The following LAMB4 variants were observed in gnomAD, a reference collection of about 807,000 sequenced individuals.
LAMB4 encodes the protein laminin subunit beta 4, also known as laminin subunit beta-4.
Under a neutral mutation model 199.2 loss-of-function variants are expected in LAMB4, and 196 were observed. The observed-to-expected ratio is 0.98, with a 90% CI of 0.88 to 1.11. The LOEUF (loss-of-function observed/expected upper bound fraction) is 1.11, where lower values mean the gene tolerates loss of function less well. Among genes scored for constraint, LAMB4 ranks in the 50% least tolerant of loss-of-function variants. LAMB4 has a pLI of 0.00. For missense variants in LAMB4, 2,080 were observed against 2,171.2 expected (o/e 0.96, Z 0.83); for synonymous variants, 744 against 770.6 (o/e 0.97, Z 0.57).
At chr7:108,086,657 A>G (rs546513382) in intron 14 of LAMB4, among the ~76,000 whole-genome samples, 93 of 152,280 alleles carry the variant, frequency 6.1e-4, no homozygotes, top group African/African-American at 2.2e-3. Flanking sequence ...GAAAAATCTG[A>G]GTTGGGCTTT....
intron 14 of LAMB4, among the ~76,000 whole-genome samples, chr7:108,090,443 A>G (rs2037353821): frequency 6.6e-6 from 1 of 151,992 alleles, no homozygotes. Context: ...TGTCCTGGAT[A>G]TTTTTCCTTA....
intron 5 of LAMB4, among the ~76,000 whole-genome samples, chr7:108,108,549 T>C (rs908139108): frequency 6.6e-5 from 10 of 152,208 alleles, no homozygotes; most frequent in African/African-American, 2.2e-4. Flanking sequence ...TTTAAATCAA[T>C]CATCCCGCTA....
Position 108,034,366 on chromosome 7 carries a change from T to C in LAMB4, c.4680-20A>G, listed in dbSNP as rs28621880. Reference sequence around the variant, plus strand: ...GCTTTCCTAAGGTAAGATATTAACATATCAGATTAGATAAATACACAATTA... The same window carrying C: ...GCTTTCCTAAGGTAAGATATTAACACATCAGATTAGATAAATACACAATTA... On this transcript the variant is annotated intron_variant, in intron 30 of 33. Transcript: ENST00000388781. 1.9e-6 allele frequency: 3 copies of C among 1,557,684 alleles called. No homozygotes were observed. Among genetic ancestry groups the C allele is most frequent in the Middle Eastern group, 1.7e-4 (1 of 5,946 alleles).
At chr7:108,116,231 G>T in intron 2 of LAMB4, 70 bp from the exon 3 acceptor site, 1 of 1,389,896 alleles carries the variant, frequency 7.2e-7, no homozygotes, top group South Asian at 1.4e-5. Context: ...AGAAATGACT[G>T]GTTAAGGGGG....
intron 9 of LAMB4, among the ~76,000 whole-genome samples, chr7:108,103,852 T>C (rs2037903954): frequency 6.6e-6 from 1 of 152,222 alleles, no homozygotes; most frequent in Non-Finnish European, 1.5e-5. Context: ...CGGTCTTGTA[T>C]ACTGTGACTC....
Position 108,037,687 on chromosome 7 carries a change from C to T in LAMB4, c.4472-92G>A. 5.6e-6 allele frequency: 5 copies of T among 892,948 alleles called. No homozygotes were observed. In the South Asian group the frequency reaches 6.0e-5, roughly 11 times the overall value. 55.3% of individuals were successfully genotyped at this position (892,948 alleles called of 1,614,324 possible). A position where few individuals can be genotyped will look rare whatever the true frequency, so the allele number is the denominator to read the frequency against. ...ACCACAATGATGTCTCAGCCAAATG[C>T]ACTTGCACTTGATTATGTGCCCCTA... On this transcript the variant is annotated intron_variant, in intron 29 of 33. Transcript: ENST00000388781.
At chr7:108,106,176 G>C (rs1166530444) in intron 7 of LAMB4, 145 bp from the exon 8 acceptor site, 1 of 689,328 alleles carries the variant, frequency 1.5e-6, no homozygotes, top group African/African-American at 1.8e-5. Flanking sequence ...CCAGCACTTT[G>C]GGTGGCCGAG....
chr7:108,037,316 C>G (rs2035264220), intron 30 of LAMB4, 72 bp downstream of exon 30: 1 of 1,207,426 alleles, frequency 8.3e-7, no homozygotes, highest in African/African-American at 1.5e-5. Flanking sequence ...GATCCCTAGG[C>G]AAACATTTTC....
At chr7:108,127,559 C>G (rs955844886) in intron 1 of LAMB4, among the ~76,000 whole-genome samples, 2 of 152,174 alleles carry the variant, frequency 1.3e-5, no homozygotes, top group Non-Finnish European at 2.9e-5. Context: ...TCGGCAATCT[C>G]TCTCAGAACC....
intron 26 of LAMB4, among the ~76,000 whole-genome samples, chr7:108,049,948 AAATAT>A (rs2035775412): frequency 1.3e-5 from 2 of 152,244 alleles, no homozygotes; most frequent in South Asian, 4.1e-4. Flanking sequence ...ATATACACTC[AAATAT>A]AATAAACCAA....
chr7:108,041,665 G>A (rs930102897), intron 29 of LAMB4, among the ~76,000 whole-genome samples: 7 of 152,300 alleles, frequency 4.6e-5, no homozygotes, highest in African/African-American at 1.7e-4. Context: ...AATACCGCAT[G>A]TTCTCACTTA....
intron 14 of LAMB4, among the ~76,000 whole-genome samples, chr7:108,085,548 A>G (rs1038455215): frequency 3.3e-5 from 5 of 152,198 alleles, no homozygotes; most frequent in African/African-American, 1.2e-4. Context: ...AGTACTTTCA[A>G]TGGCCCTTTG....
chr7:108,086,156 G>A (rs1563078791), intron 14 of LAMB4, among the ~76,000 whole-genome samples: 1 of 152,264 alleles, frequency 6.6e-6, no homozygotes, highest in East Asian at 1.9e-4. Context: ...CAGCACCAAC[G>A]ACTGACTGAT....
chr7:108,055,433 C>T lies in LAMB4; in HGVS notation c.3755+199G>A, dbSNP rs976374171. 4.6e-5 allele frequency among the ~76,000 whole-genome samples: 7 copies of T among 151,602 alleles called. No homozygotes were observed. The East Asian group carries it at 7.8e-4, about 17-fold the overall frequency. ...AACTCCTGACCTCAAGTGATCCACC[C>T]GCCTCAACCTCCCAAAGTGCTGGGA... On this transcript the variant is annotated intron_variant, in intron 25 of 33. Transcript: ENST00000388781.
chr7:108,059,097 C>CTT (rs57814646), intron 23 of LAMB4, among the ~76,000 whole-genome samples: 1,261 of 107,874 alleles, frequency 0.012, 129 homozygotes, highest in Non-Finnish European at 0.02. Flanking sequence ...CAATCTGCCA[C>CTT]TTTTTTTTTT....
At chr7:108,125,962 G>T (rs541579784) in intron 1 of LAMB4, among the ~76,000 whole-genome samples, 1 of 152,302 alleles carries the variant, frequency 6.6e-6, no homozygotes, top group African/African-American at 2.4e-5. Flanking sequence ...CATCAGCCAG[G>T]TTTAAAAATG....
chr7:108,029,027 A>C lies in LAMB4; in HGVS notation c.5146+16T>G, dbSNP rs766640734. ...TGTTATTATCAAATTGGCAGGATGG[A>C]TAAAAGAACAGATACCTGTTATTCT... On this transcript the variant is annotated intron_variant, in intron 33 of 33. Coordinates refer to ENST00000388781, the MANE Select transcript of LAMB4 (RefSeq NM_007356.3). 1.2e-6 allele frequency: 2 copies of C among 1,606,810 alleles called. No homozygotes were observed. Among genetic ancestry groups the C allele is most frequent in the East Asian group, 2.2e-5 (1 of 44,814 alleles).
chr7:108,033,830 C>A (rs1022503914), intron 31 of LAMB4, among the ~76,000 whole-genome samples: 4 of 131,264 alleles, frequency 3.0e-5, no homozygotes, highest in Non-Finnish European at 6.3e-5. Context: ...TAACTCATTT[C>A]TTTGGTTTTT....
Position 108,098,594 on chromosome 7 carries a change from G to T in LAMB4, c.1181-12C>A. ...GTCACATTCACAAGCTGGGGACACAGACATTCATTGTTTTAGTTAATTGCA... is the reference window on the plus strand; with the variant it reads ...GTCACATTCACAAGCTGGGGACACATACATTCATTGTTTTAGTTAATTGCA... On this transcript the variant is annotated splice_polypyrimidine_tract_variant and intron_variant, in intron 10 of 33. Coordinates refer to ENST00000388781, the MANE Select transcript of LAMB4 (RefSeq NM_007356.3). 1 of 1,578,184 alleles carries T rather than the reference G, an allele frequency of 6.3e-7. No homozygotes were observed. Among genetic ancestry groups the T allele is most frequent in the Non-Finnish European group, 8.6e-7 (1 of 1,164,368 alleles).
Sources: allele counts gnomAD v4.1 joint callset (sites outside exome capture counted in the v4.1 genomes callset), GRCh38; gene constraint gnomAD v4.1.1; transcripts MANE v1.5; gene names NCBI Gene and HGNC (gene_info 2026-07-23, HGNC 2026-07-21).